Variants in RC3H2 observed in about 807,000 individuals in gnomAD.
The protein encoded by RC3H2 is ring finger and CCCH-type domains 2, also known as roquin-2.
In RC3H2, 31 loss-of-function variants were observed where a neutral mutation model predicts 133.3. The ratio of observed to expected loss-of-function variants is 0.23; its 90% CI spans 0.17 to 0.31. RC3H2 has a LOEUF of 0.31. Ranked by LOEUF, RC3H2 falls within the 10% of genes least tolerant of loss-of-function variation. The probability of loss-of-function intolerance (pLI) is 1.00; values close to 1 mark genes in which losing one functional copy is unlikely to be tolerated. For missense variants in RC3H2, 1,175 were observed against 1,437.2 expected (o/e 0.82, Z 2.95); for synonymous variants, 517 against 502.2 (o/e 1.03, Z -0.40).
rs949489511 is a variant in RC3H2, at chr9:122,897,344, C to G, written c.166G>C (p.Ala56Pro). The change falls in exon 2 of 21, where the codon GCC (alanine) becomes CCC (proline). Residue 56 changes from alanine to proline, a missense_variant. Ala to Pro is a conservative substitution (Grantham distance 27). This residue lies in a region of RC3H2 where 41 missense variants were observed against 88.0 expected (regional missense o/e 0.47). Coordinates refer to ENST00000357244, the MANE Select transcript of RC3H2 (RefSeq NM_001100588.3). ...AGTACATCAATATCTGTGTTGATGG[C>G]AGTCTGGTCAAAAGGACAAGCTTTT... ...HRKACPFDQT[A>P]INTDIDVLPV... The G allele has an allele frequency of 6.2e-7, 1 of 1,614,058 alleles. No homozygotes were observed. The highest frequency in any genetic ancestry group is 8.5e-7 in the Non-Finnish European group (1 of 1,180,008).
intron 20 of RC3H2, 64 bp from the exon 21 acceptor site, chr9:122,849,886 A>G: frequency 2.6e-6 from 3 of 1,133,788 alleles, no homozygotes; most frequent in South Asian, 2.0e-5. Flanking sequence ...AAGGGTGACT[A>G]TACATATTTA....
intron 16 of RC3H2, 31 bp downstream of exon 16, chr9:122,854,496 AATGG>A: frequency 6.7e-7 from 1 of 1,500,898 alleles, no homozygotes; most frequent in Non-Finnish European, 9.3e-7. Flanking sequence ...CAAGTCTGAG[AATGG>A]AGAATCATAT....
chr9:122,896,454 T>G (rs771529294), intron 2 of RC3H2, among the ~76,000 whole-genome samples: 1 of 152,240 alleles, frequency 6.6e-6, no homozygotes, highest in South Asian at 2.1e-4. Context: ...AAAATATTTC[T>G]TATCCACCAA....
chr9:122,882,860 C>T (rs550826069), intron 5 of RC3H2, among the ~76,000 whole-genome samples: 1 of 152,290 alleles, frequency 6.6e-6, no homozygotes, highest in African/African-American at 2.4e-5. Context: ...AGTTTACATA[C>T]TCCTTATGAA....
Position 122,871,506 on chromosome 9 carries a change from T to TGGG in RC3H2, c.1326-5852_1326-5850dup, listed in dbSNP as rs34377701. Among the ~76,000 whole-genome samples, 1,010 of 127,514 alleles carry TGGG rather than the reference T, an allele frequency of 7.9e-3. 29 individuals carry two copies. Among genetic ancestry groups the TGGG allele is most frequent in the African/African-American group, 0.029 (952 of 33,104 alleles). The allele number at this position is 127,514 out of a possible 152,430, so 83.7% of individuals were successfully genotyped here. The stretch of plus-strand genomic sequence containing the variant: ...TAGAGACGGGGTTTCACCGTGTTAG[T>TGGG]GGGGGGGGGGGTTTCATCGTGTTAG... On this transcript the variant is annotated intron_variant, in intron 9 of 20. Coordinates refer to ENST00000357244, the MANE Select transcript of RC3H2 (RefSeq NM_001100588.3).
At position 122,868,282 on chromosome 9, in the gene RC3H2, G is replaced by A. The variant is rs1198202010; in HGVS notation, c.1326-2625C>T. Among the ~76,000 whole-genome samples, 5 of 152,234 alleles carry A rather than the reference G, an allele frequency of 3.3e-5. No homozygotes were observed. The East Asian group carries it at 5.8e-4, about 18-fold the overall frequency. ...GAGAACGGGCCATGATGACAATTGC[G>A]GTTTTGTGGAATAGAAAGGGGGCAA... On this transcript the variant is annotated intron_variant, in intron 9 of 20. Transcript: ENST00000357244.
rs2131522356 is a variant in RC3H2 at position 122,905,341 on chromosome 9, G to T, written c.-299C>A. On this transcript the variant is annotated 5_prime_UTR_variant, in exon 1 of 21. Coordinates refer to ENST00000357244, the MANE Select transcript of RC3H2 (RefSeq NM_001100588.3). ...CCTCCTCCTCCTCCTCCTCACCACG[G>T]AGGCGGACCTGGAGGGATCCCGATC... 1 of 965,092 alleles carries T rather than the reference G, an allele frequency of 1.0e-6. No individual in the cohort carries two copies. 59.8% of individuals were successfully genotyped at this position (965,092 alleles called of 1,614,324 possible).
At chr9:122,900,744 A>C (rs1431330014) in intron 1 of RC3H2, among the ~76,000 whole-genome samples, 1 of 152,168 alleles carries the variant, frequency 6.6e-6, no homozygotes, top group Non-Finnish European at 1.5e-5. Flanking sequence ...ACTGAGATAA[A>C]ATGGACTAAA....
At chr9:122,877,001 C>A (rs981288747) in intron 9 of RC3H2, among the ~76,000 whole-genome samples, 6 of 152,158 alleles carry the variant, frequency 3.9e-5, no homozygotes, top group Non-Finnish European at 5.9e-5. Flanking sequence ...TGGATTCCAG[C>A]TATAAAATGG....
intron 2 of RC3H2, 33 bp from the exon 3 acceptor site, chr9:122,893,059 A>C (rs922450799): frequency 8.7e-5 from 139 of 1,591,230 alleles, no homozygotes; most frequent in Non-Finnish European, 1.1e-4. Context: ...TATTGCAGAA[A>C]TACATTCATC....
chr9:122,899,034 CAG>C (rs1210205965), intron 1 of RC3H2, among the ~76,000 whole-genome samples: 3 of 145,420 alleles, frequency 2.1e-5, no homozygotes, highest in South Asian at 2.2e-4. Context: ...AAATATATAA[CAG>C]AAAGTATTCT....
intron 2 of RC3H2, among the ~76,000 whole-genome samples, chr9:122,896,124 A>T (rs1312284215): frequency 1.1e-5 from 1 of 93,208 alleles, no homozygotes; most frequent in East Asian, 1.2e-3. Context: ...ATGAGTTAAA[A>T]AAAAAAAAAA....
intron 20 of RC3H2, among the ~76,000 whole-genome samples, chr9:122,850,607 T>G (rs1317726253): frequency 6.6e-6 from 1 of 151,840 alleles, no homozygotes; most frequent in South Asian, 2.1e-4. Flanking sequence ...TATGCCCAGC[T>G]AATTTTTTTG....
intron 20 of RC3H2, 125 bp from the exon 21 acceptor site, chr9:122,849,947 C>T: frequency 1.9e-6 from 1 of 527,984 alleles, no homozygotes; most frequent in Non-Finnish European, 3.1e-6. Flanking sequence ...ATGTCTTTAT[C>T]ACTAGAAGTA....
At chr9:122,876,659 G>C (rs1450817074) in intron 9 of RC3H2, among the ~76,000 whole-genome samples, 3 of 150,982 alleles carry the variant, frequency 2.0e-5, no homozygotes, top group Admixed American at 6.6e-5. Flanking sequence ...ACACTGGCCA[G>C]CAGAAAGTAG....
chr9:122,897,189 T>C (rs961983367), intron 2 of RC3H2, 90 bp downstream of exon 2: 117 of 1,118,350 alleles, frequency 1.0e-4, no homozygotes, highest in Non-Finnish European at 1.4e-4. Flanking sequence ...CTGGGCCACA[T>C]GTAGCCTGCA....
At chr9:122,880,434 G>T in intron 6 of RC3H2, 160 bp downstream of exon 6, 1 of 695,072 alleles carries the variant, frequency 1.4e-6, no homozygotes, top group Non-Finnish European at 2.4e-6. Flanking sequence ...CCTTTATTTT[G>T]CAAGTAGAAA....
At chr9:122,891,700 A>C (rs1832182740) in intron 3 of RC3H2, among the ~76,000 whole-genome samples, 1 of 152,036 alleles carries the variant, frequency 6.6e-6, no homozygotes, top group South Asian at 2.1e-4. Context: ...CTGTTCAATA[A>C]ATGAATGAAT....
intron 10 of RC3H2, among the ~76,000 whole-genome samples, chr9:122,860,755 T>G (rs1420395023): frequency 7.1e-6 from 1 of 141,198 alleles, no homozygotes; most frequent in Non-Finnish European, 1.6e-5. Flanking sequence ...TACTGAAGGT[T>G]AAAAAAAAAA....
Sources: allele counts gnomAD v4.1 joint callset (sites outside exome capture counted in the v4.1 genomes callset), GRCh38; gene constraint gnomAD v4.1.1; regional missense constraint gnomAD v4.1.1; transcripts MANE v1.5; gene names NCBI Gene and HGNC (gene_info 2026-07-23, HGNC 2026-07-21).